The following RHEB variants were observed in gnomAD, a reference collection of about 807,000 sequenced individuals.
The protein encoded by RHEB is Ras homolog, mTORC1 binding.
In RHEB, 2 loss-of-function variants were observed where a neutral mutation model predicts 28.8. The ratio of observed to expected loss-of-function variants is 0.07; its 90% CI spans 0.03 to 0.22. The LOEUF is 0.22. RHEB is among the 10% of genes least tolerant of loss of function. The pLI, the probability that RHEB is intolerant of heterozygous loss-of-function variation, is 1.00. For synonymous variants in RHEB, 69 were observed against 77.3 expected, an observed-to-expected ratio of 0.89 and a Z score of 0.56; for missense variants, 76 against 219.9, an observed-to-expected ratio of 0.35 and a Z score of 4.14.
rs937067509 is a variant in RHEB at position 151,466,838 on chromosome 7, A to G, written c.*281T>C. ...TGATGATTACATTATTTTAAACAAC[A>G]AACTACACTGAAAAATTAATGCCGA... On this transcript the variant is annotated 3_prime_UTR_variant, in exon 8 of 8. Coordinates refer to ENST00000262187, the MANE Select transcript of RHEB (RefSeq NM_005614.4). The G allele has an allele frequency of 3.9e-5, 13 of 335,958 alleles. No homozygotes were observed. The East Asian group carries it at 6.9e-4, about 18-fold the overall frequency. The allele number at this position is 335,958 out of a possible 1,614,324, so 20.8% of individuals were successfully genotyped here.
intron 7 of RHEB, among the ~76,000 whole-genome samples, chr7:151,469,142 G>C (rs1471011077): frequency 6.6e-6 from 1 of 152,072 alleles, no homozygotes; most frequent in Non-Finnish European, 1.5e-5. Flanking sequence ...CTGGAACTTG[G>C]GAACGAATTA....
chr7:151,490,804 C>A, intron 2 of RHEB, 139 bp downstream of exon 2: 1 of 732,020 alleles, frequency 1.4e-6, no homozygotes, highest in Non-Finnish European at 2.5e-6. Flanking sequence ...GTAGGTAAAT[C>A]TTTTGCAAGT....
In RHEB at chr7:151,506,328, G is replaced by A. The variant is rs59389610; in HGVS notation, c.52+13132C>T. On this transcript the variant is annotated intron_variant, in intron 1 of 7. Transcript: ENST00000262187. ...GTCTCTCAAAGCACTGGGATTACAG[G>A]TGTGTGTCACCATGCCCAGCCCATT... 8.8e-3 allele frequency among the ~76,000 whole-genome samples: 1,339 copies of A among 152,120 alleles called. 18 individuals are homozygous for A. The highest frequency in any genetic ancestry group is 0.03 in the African/African-American group (1,260 of 41,496).
chr7:151,488,184 C>T (rs950451861), intron 2 of RHEB, among the ~76,000 whole-genome samples: 3 of 152,210 alleles, frequency 2.0e-5, no homozygotes, highest in African/African-American at 7.2e-5. Flanking sequence ...GTTAGATTAA[C>T]ACTACAGTAG....
intron 1 of RHEB, chr7:151,503,523 G>A (rs1802810263): frequency 1.4e-6 from 1 of 735,704 alleles, no homozygotes; most frequent in Non-Finnish European, 2.4e-6. Context: ...GCATACCCAT[G>A]GTGGAATTCT....
chr7:151,501,366 C>A (rs898498279), intron 1 of RHEB, among the ~76,000 whole-genome samples: 2 of 152,166 alleles, frequency 1.3e-5, no homozygotes, highest in African/African-American at 4.8e-5. Flanking sequence ...CATCATTATC[C>A]ATTAGGGAAA....
chr7:151,503,351 C>A, intron 1 of RHEB: 1 of 905,508 alleles, frequency 1.1e-6, no homozygotes. Flanking sequence ...CAAGACGGGT[C>A]TCGGTTTGTG....
intron 1 of RHEB, among the ~76,000 whole-genome samples, chr7:151,504,971 T>C (rs1177620561): frequency 6.7e-6 from 1 of 150,168 alleles, no homozygotes; most frequent in African/African-American, 2.5e-5. Context: ...CCTTACCTCA[T>C]ACATAAAAAC....
chr7:151,508,899 A>G (rs751207775), intron 1 of RHEB, among the ~76,000 whole-genome samples: 13 of 152,338 alleles, frequency 8.5e-5, no homozygotes, highest in Non-Finnish European at 1.5e-4. Flanking sequence ...ATACTTCCAT[A>G]GAAGTCTAAA....
intron 7 of RHEB, 27 bp from the exon 8 acceptor site, chr7:151,467,238 A>ACTAACACT: frequency 2.0e-6 from 3 of 1,533,032 alleles, no homozygotes; most frequent in African/African-American, 1.4e-5. Context: ...ACCCAATCAC[A>ACTAACACT]GTGTTAGTGT....
At chr7:151,498,658 T>C (rs1802715568) in intron 1 of RHEB, among the ~76,000 whole-genome samples, 1 of 152,144 alleles carries the variant, frequency 6.6e-6, no homozygotes, top group South Asian at 2.1e-4. Flanking sequence ...AGGCAAGCTG[T>C]GACTTCTGGA....
At chr7:151,484,885 C>G (rs1429244767) in intron 2 of RHEB, 81 bp from the exon 3 acceptor site, 1 of 906,430 alleles carries the variant, frequency 1.1e-6, no homozygotes, top group Non-Finnish European at 1.8e-6. Flanking sequence ...GACAACCAAT[C>G]AAGCACAGAG....
chr7:151,512,899 T>C (rs1004257774), intron 1 of RHEB, among the ~76,000 whole-genome samples: 13 of 152,308 alleles, frequency 8.5e-5, no homozygotes, highest in African/African-American at 3.1e-4. Flanking sequence ...AAGTTCCCAT[T>C]TGTACTAAGG....
Position 151,487,842 on chromosome 7 carries a change from A to G in RHEB, c.125-3038T>C, listed in dbSNP as rs77883377. Among the ~76,000 whole-genome samples the G allele has an allele frequency of 3.1e-3, 471 of 152,302 alleles. 4 individuals are homozygous for G. Among genetic ancestry groups the G allele is most frequent in the African/African-American group, 0.011 (454 of 41,566 alleles). On this transcript the variant is annotated intron_variant, in intron 2 of 7. Transcript: ENST00000262187. ...CAACCTAAACCCCTGAAATTCTCCT[A>G]AGTAGACTAATAGCTATTTACTAGT...
intron 1 of RHEB, among the ~76,000 whole-genome samples, chr7:151,497,275 T>C (rs532432824): frequency 6.6e-6 from 1 of 152,282 alleles, no homozygotes; most frequent in African/African-American, 2.4e-5. Flanking sequence ...TTTCTCAAAG[T>C]GTGGGCCCAG....
intron 7 of RHEB, among the ~76,000 whole-genome samples, chr7:151,469,898 C>T (rs1802130196): frequency 6.6e-6 from 1 of 152,062 alleles, no homozygotes; most frequent in Admixed American, 6.5e-5. Flanking sequence ...AGGATGATAC[C>T]ATCAGATGTG....
intron 1 of RHEB, among the ~76,000 whole-genome samples, chr7:151,513,335 C>T (rs1563102549): frequency 6.6e-6 from 1 of 152,018 alleles, no homozygotes; most frequent in Non-Finnish European, 1.5e-5. Context: ...ATTAAAGAAA[C>T]AAAACAGTCA....
chr7:151,469,147 G>A (rs561275294), intron 7 of RHEB, among the ~76,000 whole-genome samples: 1 of 152,236 alleles, frequency 6.6e-6, no homozygotes, highest in Admixed American at 6.5e-5. Context: ...ACTTGGGAAC[G>A]AATTACACAC....
chr7:151,493,388 C>G (rs1377222166), intron 1 of RHEB, among the ~76,000 whole-genome samples: 1 of 152,130 alleles, frequency 6.6e-6, no homozygotes, highest in Non-Finnish European at 1.5e-5. Flanking sequence ...ACAGAGAAAC[C>G]TTCAAGACCA....
Sources: gnomAD v4.1 joint callset for allele counts (sites outside exome capture counted in the v4.1 genomes callset) on GRCh38, gnomAD v4.1.1 for gene constraint, MANE v1.5 for transcripts, NCBI Gene and HGNC (gene_info 2026-07-23, HGNC 2026-07-21) for gene names.